The following DUSP10 variants were observed in gnomAD, a reference collection of about 807,000 sequenced individuals.
DUSP10 encodes dual specificity protein phosphatase 10.
In DUSP10, 14 loss-of-function variants were observed where a neutral mutation model predicts 30.8. That is an observed-to-expected ratio of 0.46 (90% CI 0.30 to 0.71). The LOEUF is 0.71. Among genes scored for constraint, DUSP10 ranks in the 30% least tolerant of loss-of-function variants. The pLI, the probability that DUSP10 is intolerant of heterozygous loss-of-function variation, is 0.08. For synonymous variants in DUSP10, 254 were observed against 250.4 expected (o/e 1.01, Z -0.14); for missense variants, 550 against 619.4 (o/e 0.89, Z 1.19).
intron 3 of DUSP10, among the ~76,000 whole-genome samples, chr1:221,705,431 G>A (rs1455675439): frequency 6.6e-6 from 1 of 152,210 alleles, no homozygotes; most frequent in Non-Finnish European, 1.5e-5. Flanking sequence ...TCTTATAGCA[G>A]TTTGGGGCTA....
chr1:221,732,405 G>A (rs1229325885), intron 2 of DUSP10, among the ~76,000 whole-genome samples: 2 of 152,120 alleles, frequency 1.3e-5, no homozygotes, highest in Non-Finnish European at 2.9e-5. Flanking sequence ...TAATATCCAG[G>A]TAAATATATA....
intron 2 of DUSP10, among the ~76,000 whole-genome samples, chr1:221,707,009 T>A (rs187503518): frequency 3.3e-5 from 5 of 152,322 alleles, no homozygotes; most frequent in Non-Finnish European, 5.9e-5. Context: ...TTGATTATAA[T>A]CTGGGTACCA....
chr1:221,740,725 T>TC (rs902316467), intron 1 of DUSP10, among the ~76,000 whole-genome samples: 42 of 152,010 alleles, frequency 2.8e-4, no homozygotes, highest in African/African-American at 1.0e-3. Flanking sequence ...CATACAGATA[T>TC]CCCCCCTTCA....
In DUSP10 at chr1:221,739,780, A is replaced by G. The variant is rs1336968316; in HGVS notation, c.-36T>C. ...AAAACTGGCAATTCAAGAAGAACTC[A>G]AGACAGTCTGTAAAGAAGGGGAAGG... On this transcript the variant is annotated 5_prime_UTR_variant, in exon 2 of 4. It removes the in-frame stop codon of an upstream open reading frame in the 5' UTR. Transcript: ENST00000366899. The G allele has an allele frequency of 1.3e-6, 2 of 1,536,110 alleles. No individual in the cohort carries two copies. The highest frequency in any genetic ancestry group is 4.1e-5 in the Admixed American group (2 of 49,004).
chr1:221,706,098 T>C lies in DUSP10; in HGVS notation c.1180A>G (p.Ile394Val). ...RQYFEEAFEF[I>V]EEAHQCGKGL... ...ATTCCCTATGGGAGATAGTTACCAA[T>C]GAACTCAAAAGCCTCTTCAAAGTAC... is the stretch of plus-strand genomic sequence containing the variant. Residue 394 changes from isoleucine to valine, a missense_variant, in exon 3 of 4, where the codon ATT becomes GTT. By Grantham distance (29) the Ile-to-Val change is conservative. Transcript: ENST00000366899. The surrounding 1 kb of genome is among the most constrained non-coding windows in gnomAD (Gnocchi z 4.6). 1 of 1,611,170 alleles carries C rather than the reference T, an allele frequency of 6.2e-7. No homozygotes were observed. The highest frequency in any genetic ancestry group is 1.7e-5 in the Admixed American group (1 of 59,796).
At chr1:221,730,338 G>A (rs967111143) in intron 2 of DUSP10, among the ~76,000 whole-genome samples, 3 of 152,194 alleles carry the variant, frequency 2.0e-5, no homozygotes, top group Admixed American at 2.0e-4. Flanking sequence ...GCTCCTCAAA[G>A]GGAGGACAGG....
chr1:221,732,375 T>C (rs1661638233), intron 2 of DUSP10, among the ~76,000 whole-genome samples: 1 of 152,162 alleles, frequency 6.6e-6, no homozygotes, highest in African/African-American at 2.4e-5. Context: ...TAAATCAACA[T>C]TAATATTTGG....
intron 2 of DUSP10, among the ~76,000 whole-genome samples, chr1:221,719,551 C>T (rs2102631887): frequency 6.6e-6 from 1 of 152,286 alleles, no homozygotes. Context: ...AAAAACACTG[C>T]TTGTCTCTGA....
intron 2 of DUSP10, among the ~76,000 whole-genome samples, chr1:221,713,856 G>C (rs1025265693): frequency 1.3e-5 from 2 of 152,018 alleles, no homozygotes; most frequent in Non-Finnish European, 2.9e-5. Flanking sequence ...CAGGGAAAGA[G>C]GTATTGAGAT....
At chr1:221,733,395 G>A (rs1162150670) in intron 2 of DUSP10, among the ~76,000 whole-genome samples, 2 of 152,294 alleles carry the variant, frequency 1.3e-5, no homozygotes, top group South Asian at 2.1e-4. Context: ...CTTTTCTAAT[G>A]TGAAATCATG....
intron 2 of DUSP10, among the ~76,000 whole-genome samples, chr1:221,715,393 A>T (rs1661067671): frequency 6.6e-6 from 1 of 152,112 alleles, no homozygotes; most frequent in African/African-American, 2.4e-5. Context: ...ATTGGTATAG[A>T]AAAGAGCTGG....
At chr1:221,703,275 G>C (rs192488630) in intron 3 of DUSP10, among the ~76,000 whole-genome samples, 1 of 151,168 alleles carries the variant, frequency 6.6e-6, no homozygotes, top group African/African-American at 2.4e-5. Flanking sequence ...TCCAATTTTC[G>C]GTTGTGTGAC....
chr1:221,738,343 A>G (rs186881407), intron 2 of DUSP10, among the ~76,000 whole-genome samples: 2 of 152,336 alleles, frequency 1.3e-5, no homozygotes, highest in Admixed American at 1.3e-4. Flanking sequence ...TGGCAGAGGA[A>G]TGGATGTAAT....
intron 1 of DUSP10, among the ~76,000 whole-genome samples, chr1:221,740,487 G>A (rs532912185): frequency 2.0e-5 from 3 of 152,162 alleles, no homozygotes; most frequent in Admixed American, 6.5e-5. Context: ...ACTACTAACT[G>A]GTGTCCTAAA....
At chr1:221,714,029 A>G (rs1661020784) in intron 2 of DUSP10, among the ~76,000 whole-genome samples, 1 of 152,246 alleles carries the variant, frequency 6.6e-6, no homozygotes, top group Non-Finnish European at 1.5e-5. Context: ...TATTTAGTTC[A>G]TCTAACCAAG....
At chr1:221,739,872 G>T (rs1483769779) in intron 1 of DUSP10, 85 bp from the exon 2 acceptor site, 5 of 1,378,546 alleles carry the variant, frequency 3.6e-6, no homozygotes, top group Admixed American at 5.9e-5. Flanking sequence ...AAAGACCTTT[G>T]CATCCCTCTG....
chr1:221,737,970 G>C, intron 2 of DUSP10, among the ~76,000 whole-genome samples: 1 of 152,188 alleles, frequency 6.6e-6, no homozygotes, highest in Non-Finnish European at 1.5e-5. Flanking sequence ...GGAGAGAAGA[G>C]AGAAGACGAC....
At chr1:221,710,867 AT>A (rs1660914019) in intron 2 of DUSP10, among the ~76,000 whole-genome samples, 1 of 151,986 alleles carries the variant, frequency 6.6e-6, no homozygotes, top group Non-Finnish European at 1.5e-5. Flanking sequence ...TAACTTCCTT[AT>A]GTGCACAAGA....
At chr1:221,703,691 A>G (rs1041344043) in intron 3 of DUSP10, among the ~76,000 whole-genome samples, 10 of 152,232 alleles carry the variant, frequency 6.6e-5, no homozygotes, top group Non-Finnish European at 1.3e-4. Flanking sequence ...GGACAATAGC[A>G]TGTGGGCACT....
Sources: gnomAD v4.1 joint callset for allele counts (sites outside exome capture counted in the v4.1 genomes callset) on GRCh38, gnomAD v4.1.1 for gene constraint, Gnocchi (gnomAD v3.1) non-coding constraint, MANE v1.5 for transcripts, NCBI Gene and HGNC (gene_info 2026-07-23, HGNC 2026-07-21) for gene names.